Variants in RBFOX1 observed in about 807,000 individuals in gnomAD.
RBFOX1 encodes RNA binding protein fox-1 homolog 1.
In RBFOX1, 8 loss-of-function variants were observed where a neutral mutation model predicts 57.7. The ratio of observed to expected loss-of-function variants is 0.14; its 90% confidence interval spans 0.08 to 0.25. RBFOX1 has a LOEUF of 0.25. Among genes scored for constraint, RBFOX1 ranks in the 10% least tolerant of loss-of-function variants. The pLI, the probability that RBFOX1 is intolerant of heterozygous loss-of-function variation, is 1.00. For synonymous variants in RBFOX1, 326 were observed against 222.4 expected, an observed-to-expected ratio of 1.47 and a Z score of -4.15; for missense variants, 611 against 548.5, an observed-to-expected ratio of 1.11 and a Z score of -1.14.
chr16:6,885,790 C>G (rs1051176849), intron 3 of RBFOX1, among the ~76,000 whole-genome samples: 9 of 152,170 alleles, frequency 5.9e-5, no homozygotes, highest in Non-Finnish European at 1.2e-4. Context: ...CTTGGCCTCC[C>G]AAAATGCTGG....
At chr16:5,809,644 T>A (rs1345838349) in intron 3 of RBFOX1, among the ~76,000 whole-genome samples, 3 of 152,126 alleles carry the variant, frequency 2.0e-5, no homozygotes, top group Non-Finnish European at 2.9e-5. Context: ...CACACCAGTT[T>A]GAATGGCAAT....
At chr16:7,320,071 A>T (rs972048998) in intron 4 of RBFOX1, among the ~76,000 whole-genome samples, 1 of 152,168 alleles carries the variant, frequency 6.6e-6, no homozygotes, top group African/African-American at 2.4e-5. Flanking sequence ...CTTTTCTTAA[A>T]AAAATTAATT....
intron 4 of RBFOX1, among the ~76,000 whole-genome samples, chr16:7,100,088 T>G (rs573755623): frequency 3.4e-4 from 51 of 152,074 alleles, no homozygotes; most frequent in African/African-American, 1.2e-3. Context: ...TCAAATTTTA[T>G]TTTTGATTTA....
intron 12 of RBFOX1, among the ~76,000 whole-genome samples, chr16:7,656,010 A>T (rs1190469801): frequency 1.7e-5 from 2 of 118,920 alleles, no homozygotes; most frequent in Non-Finnish European, 3.9e-5. Context: ...ATGTGTTTGT[A>T]ACTACTTGGG....
At chr16:7,114,510 C>T (rs934667409) in intron 4 of RBFOX1, among the ~76,000 whole-genome samples, 63 of 152,258 alleles carry the variant, frequency 4.1e-4, no homozygotes, top group African/African-American at 1.3e-3. Flanking sequence ...TGAAAATTAG[C>T]AGTGGAACAT....
intron 14 of RBFOX1, among the ~76,000 whole-genome samples, chr16:7,692,665 G>T (rs571642245): frequency 3.4e-4 from 51 of 152,214 alleles, no homozygotes; most frequent in African/African-American, 1.2e-3. Context: ...GTCACAGTTG[G>T]AAACGTCTTA....
chr16:7,698,244 C>T (rs1231087261), intron 14 of RBFOX1, among the ~76,000 whole-genome samples: 1 of 151,534 alleles, frequency 6.6e-6, no homozygotes, highest in East Asian at 1.9e-4. Flanking sequence ...GGCTGGGACT[C>T]ACTAGCAGGA....
At chr16:6,273,169 A>C (rs1327204926) in intron 1 of RBFOX1, among the ~76,000 whole-genome samples, 1 of 151,146 alleles carries the variant, frequency 6.6e-6, no homozygotes, top group Non-Finnish European at 1.5e-5. Context: ...CTGAGGCAGG[A>C]GAATGGCTTG....
At chr16:6,298,069 T>C in intron 1 of RBFOX1, among the ~76,000 whole-genome samples, 1 of 152,334 alleles carries the variant, frequency 6.6e-6, no homozygotes, top group Admixed American at 6.5e-5. Context: ...CTGCTGTGCT[T>C]GTTAACACTT....
chr16:7,054,449 G>A (rs1018985993), intron 4 of RBFOX1, among the ~76,000 whole-genome samples: 2 of 148,572 alleles, frequency 1.3e-5, no homozygotes, highest in Non-Finnish European at 3.0e-5. Flanking sequence ...CACCATGTTG[G>A]CCAGGATGGT....
intron 3 of RBFOX1, among the ~76,000 whole-genome samples, chr16:6,913,142 T>A (rs2072145383): frequency 6.6e-6 from 1 of 152,104 alleles, no homozygotes. Context: ...GAAGACACGT[T>A]TTTTTGTTTT....
At chr16:7,448,731 A>G (rs2098827497) in intron 4 of RBFOX1, among the ~76,000 whole-genome samples, 1 of 151,722 alleles carries the variant, frequency 6.6e-6, no homozygotes, top group Admixed American at 6.6e-5. Context: ...TGGCTGCATT[A>G]CTCCAATCTC....
rs574701673 is a variant in RBFOX1 at position 7,202,113 on chromosome 16, A to G, written c.27+150015A>G. Among the ~76,000 whole-genome samples the G allele has an allele frequency of 3.3e-5, 5 of 152,100 alleles. No homozygotes were observed. The South Asian group carries it at 1.0e-3, about 32-fold the overall frequency. ...TATGGGTTACTCAACAACAACAACA[A>G]CCACAGCAATATAAACAACTTGATT... On this transcript the variant is annotated intron_variant, in intron 4 of 15. Coordinates refer to ENST00000550418, the MANE Select transcript of RBFOX1 (RefSeq NM_018723.4).
At chr16:7,242,357 A>G (rs887422860) in intron 4 of RBFOX1, among the ~76,000 whole-genome samples, 1 of 152,210 alleles carries the variant, frequency 6.6e-6, no homozygotes, top group Non-Finnish European at 1.5e-5. Flanking sequence ...CTTCTGATGC[A>G]GACAGGTTGT....
chr16:7,424,564 G>A (rs551741057), intron 4 of RBFOX1, among the ~76,000 whole-genome samples: 11 of 152,266 alleles, frequency 7.2e-5, no homozygotes, highest in East Asian at 1.9e-4. Context: ...CTGGCCATAC[G>A]CTTGAATATG....
At chr16:5,336,047 A>G (rs1426621759) in intron 1 of RBFOX1, among the ~76,000 whole-genome samples, 1 of 152,152 alleles carries the variant, frequency 6.6e-6, no homozygotes, top group Non-Finnish European at 1.5e-5. Flanking sequence ...TGACTTCCTC[A>G]AGGTACCATA....
At chr16:6,765,820 A>G (rs1321298359) in intron 3 of RBFOX1, among the ~76,000 whole-genome samples, 1 of 152,202 alleles carries the variant, frequency 6.6e-6, no homozygotes, top group Non-Finnish European at 1.5e-5. Flanking sequence ...GAATGAAATA[A>G]TGTCTTTTGC....
chr16:6,404,220 T>C (rs2093190030), intron 2 of RBFOX1, among the ~76,000 whole-genome samples: 1 of 152,224 alleles, frequency 6.6e-6, no homozygotes, highest in Admixed American at 6.5e-5. Flanking sequence ...TTTATTTGCA[T>C]AGCATTTGCA....
chr16:7,518,128 C>T lies in RBFOX1; in HGVS notation c.28-19C>T. 2 of 1,603,096 alleles carry T rather than the reference C, an allele frequency of 1.2e-6. No individual in the cohort carries two copies. Among genetic ancestry groups the T allele is most frequent in the African/African-American group, 1.3e-5 (1 of 74,866 alleles). The stretch of plus-strand genomic sequence containing the variant: ...CCTCATGACGTTCTCTCCCTCTCTG[C>T]ACCTTTTTGATTTTTCAGGGTAATC... On this transcript the variant is annotated intron_variant, in intron 4 of 15. Coordinates refer to ENST00000550418, the MANE Select transcript of RBFOX1 (RefSeq NM_018723.4).
Sources: allele counts gnomAD v4.1 joint callset (sites outside exome capture counted in the v4.1 genomes callset), GRCh38; gene constraint gnomAD v4.1.1; transcripts MANE v1.5; gene names NCBI Gene and HGNC (gene_info 2026-07-23, HGNC 2026-07-21).